Variants in CAPN11 observed in about 807,000 individuals in gnomAD.
CAPN11 encodes calpain 11, also known as calpain-11.
A neutral mutation model predicts 105.3 loss-of-function variants in CAPN11; 108 were observed. That is an observed-to-expected ratio of 1.03 (90% CI 0.88 to 1.20). The LOEUF is 1.20. CAPN11 is among the 50% of genes most tolerant of loss of function. The probability of loss-of-function intolerance (pLI) is 0.00; values close to 1 mark genes in which losing one functional copy is unlikely to be tolerated. For missense variants in CAPN11, 883 were observed against 924.8 expected (o/e 0.95, Z 0.59); for synonymous variants, 329 against 344.5 (o/e 0.96, Z 0.50).
chr6:44,177,099 T>C (rs912937422), intron 11 of CAPN11, 101 bp downstream of exon 11: 1 of 1,493,324 alleles, frequency 6.7e-7, no homozygotes, highest in East Asian at 2.3e-5. Flanking sequence ...GGAGTCAGGG[T>C]CCATGAGGTC....
intron 14 of CAPN11, 79 bp from the exon 15 acceptor site, chr6:44,180,381 C>A: frequency 7.3e-7 from 1 of 1,371,920 alleles, no homozygotes; most frequent in Non-Finnish European, 1.0e-6. Context: ...AAAGACATGA[C>A]ATGACCCCCA....
chr6:44,167,271 G>A (rs1770081441), intron 2 of CAPN11, among the ~76,000 whole-genome samples: 1 of 152,016 alleles, frequency 6.6e-6, no homozygotes, highest in Non-Finnish European at 1.5e-5. Flanking sequence ...GGCTGAGGCA[G>A]GTGGATCACC....
rs375284509 is a variant in CAPN11, at chr6:44,180,516, G to T, written c.1680+17G>T. On this transcript the variant is annotated intron_variant, in intron 15 of 22. Coordinates refer to ENST00000398776, the MANE Select transcript of CAPN11 (RefSeq NM_007058.4). ...CTCCAAGAGGTGAGGGGAGACTGTA[G>T]GGCTGGGGGTTGGAAGGAAGCTCCT... 294 of 1,613,838 alleles carry T rather than the reference G, an allele frequency of 1.8e-4. No homozygotes were observed. In the African/African-American group the frequency reaches 3.5e-3, roughly 19 times the overall value.
chr6:44,183,864 C>A, intron 22 of CAPN11, 42 bp from the exon 23 acceptor site: 1 of 1,566,234 alleles, frequency 6.4e-7, no homozygotes, highest in East Asian at 2.4e-5. Flanking sequence ...GCATCCTGCC[C>A]CCGTCTCTTC....
rs118045574 is a variant in CAPN11, at chr6:44,158,854, G to A, written c.6G>A (p.Leu2=). M[L]YSPGPSLPES... ...GCACCGAGCTAGCCACCAGCATGCT[G>A]TACTCCCCAGGTAGGCACTCATGGG... Residue 2 remains leucine, a synonymous_variant, in exon 1 of 23, where the codon CTG becomes CTA. Coordinates refer to ENST00000398776, the MANE Select transcript of CAPN11 (RefSeq NM_007058.4). 2.0e-4 allele frequency: 303 copies of A among 1,551,368 alleles called. 1 individual carries two copies. The East Asian group carries it at 6.8e-3, about 35-fold the overall frequency.
rs3734700 is a variant in CAPN11, at chr6:44,182,749, G to T, written c.1939-192G>T. ...CCACCACACCCAGCTAATTTTTGTA[G>T]TTTTATTAGAGACGGGGTTTCGTCA... On this transcript the variant is annotated intron_variant, in intron 19 of 22. Transcript: ENST00000398776. 0.87 allele frequency among the ~76,000 whole-genome samples: 132,345 copies of T among 152,218 alleles called. 58,430 individuals are homozygous for T. The highest frequency in any genetic ancestry group is 0.97 in the African/African-American group (40,278 of 41,546).
Position 44,184,045 on chromosome 6 carries a change from TG to T in CAPN11, c.*116del. On this transcript the variant is annotated 3_prime_UTR_variant, in exon 23 of 23. Coordinates refer to ENST00000398776, the MANE Select transcript of CAPN11 (RefSeq NM_007058.4). ...AGCTCTCCGGTCTCTGCTGATGAAA[TG>T]GGCTCCAGGTGGCAGTGCCCGGGTC... The T allele has an allele frequency of 8.0e-7, 1 of 1,246,588 alleles. No individual in the cohort carries two copies. 77.2% of individuals were successfully genotyped at this position (1,246,588 alleles called of 1,614,324 possible). A position where few individuals can be genotyped will look rare whatever the true frequency, so the allele number is the denominator to read the frequency against.
intron 1 of CAPN11, among the ~76,000 whole-genome samples, chr6:44,161,266 C>G (rs1467566163): frequency 6.6e-6 from 1 of 151,910 alleles, no homozygotes; most frequent in Non-Finnish European, 1.5e-5. Context: ...GTGGCCCAAC[C>G]TTGGCTCACT....
At position 44,169,399 on chromosome 6, in the gene CAPN11, G is replaced by T. The variant is rs756463882; in HGVS notation, c.207G>T (p.Leu69=). ...QNFGNQSFEE[L]RAACLRKGEL... ...TTGGTAACCAGAGCTTTGAGGAGCT[G>T]CGAGCAGCCTGTCTAAGAAAGGGGG... The change falls in exon 3 of 23, where the codon CTG becomes CTT. Residue 69 remains leucine, a synonymous_variant. Transcript: ENST00000398776. 14 of 1,613,900 alleles carry T rather than the reference G, an allele frequency of 8.7e-6. No individual in the cohort carries two copies. In the Admixed American group the frequency reaches 1.8e-4, roughly 21 times the overall value.
intron 12 of CAPN11, among the ~76,000 whole-genome samples, chr6:44,177,865 AT>A (rs955809174): frequency 3.8e-4 from 56 of 148,110 alleles, no homozygotes; most frequent in African/African-American, 7.7e-4. Context: ...CACAGCCCTG[AT>A]TTTTTTTTTA....
intron 1 of CAPN11, among the ~76,000 whole-genome samples, chr6:44,165,716 C>T (rs147206155): frequency 0.01 from 1,532 of 152,222 alleles, 8 homozygotes; most frequent in South Asian, 0.021. Context: ...GTCTGGAACA[C>T]TCAAGAGGGG....
At chr6:44,170,576 G>T (rs571836865) in intron 4 of CAPN11, among the ~76,000 whole-genome samples, 2 of 152,326 alleles carry the variant, frequency 1.3e-5, no homozygotes, top group African/African-American at 4.8e-5. Context: ...GAGAGGACAA[G>T]GAGGAAGCCA....
At chr6:44,168,484 G>C (rs1248224590) in intron 2 of CAPN11, among the ~76,000 whole-genome samples, 1 of 151,882 alleles carries the variant, frequency 6.6e-6, no homozygotes, top group Non-Finnish European at 1.5e-5. Flanking sequence ...TGGCCAGGCT[G>C]GTCTCGAACT....
chr6:44,168,774 C>A (rs139142086), intron 2 of CAPN11, among the ~76,000 whole-genome samples: 1 of 151,916 alleles, frequency 6.6e-6, no homozygotes. Flanking sequence ...ATCTTGCCCC[C>A]ACACCCGGCT....
At chr6:44,180,354 C>A in intron 14 of CAPN11, 106 bp from the exon 15 acceptor site, 1 of 1,097,934 alleles carries the variant, frequency 9.1e-7, no homozygotes, top group Non-Finnish European at 1.4e-6. Flanking sequence ...TTCCATGGAG[C>A]TGCCCTATAT....
At position 44,169,355 on chromosome 6, in the gene CAPN11, CACG is replaced by C. The variant is rs763701171; in HGVS notation, c.166_168del (p.Asp56del). 1 of 1,614,008 alleles carries C rather than the reference CACG, an allele frequency of 6.2e-7. No homozygotes were observed. Among genetic ancestry groups the C allele is most frequent in the Non-Finnish European group, 8.5e-7 (1 of 1,179,884 alleles). ...GCTCAAGGCCAAGGGCGTGGGCCAG[CACG>C]ACAACGCCCAGAACTTTGGTAACCA... is the stretch of plus-strand genomic sequence containing the variant. On this transcript the variant is annotated inframe_deletion, in exon 3 of 23. Transcript: ENST00000398776.
intron 19 of CAPN11, among the ~76,000 whole-genome samples, chr6:44,182,737 C>A (rs1390484982): frequency 6.6e-6 from 1 of 152,168 alleles, no homozygotes; most frequent in Non-Finnish European, 1.5e-5. Context: ...CCACACCCAG[C>A]TAATTTTTGT....
intron 1 of CAPN11, among the ~76,000 whole-genome samples, chr6:44,161,524 TG>T (rs2128288883): frequency 6.6e-6 from 1 of 152,204 alleles, no homozygotes; most frequent in East Asian, 1.9e-4. Context: ...ATGACAACTG[TG>T]GTGGTGTGGA....
At chr6:44,173,424 C>A in intron 7 of CAPN11, 38 bp downstream of exon 7, 1 of 1,357,998 alleles carries the variant, frequency 7.4e-7, no homozygotes, top group South Asian at 1.2e-5. Flanking sequence ...GCCTTTGCAC[C>A]TGCTGTTGCT....
Sources: gnomAD v4.1 joint callset for allele counts (sites outside exome capture counted in the v4.1 genomes callset) on GRCh38, gnomAD v4.1.1 for gene constraint, MANE v1.5 for transcripts, NCBI Gene and HGNC (gene_info 2026-07-23, HGNC 2026-07-21) for gene names.